Variants in TRAF3 observed in about 807,000 individuals in gnomAD.
The protein encoded by TRAF3 is TNF receptor associated factor 3.
A neutral mutation model predicts 62.3 loss-of-function variants in TRAF3; 13 were observed. The ratio of observed to expected loss-of-function variants is 0.21; its 90% confidence interval spans 0.14 to 0.33. The LOEUF is 0.33. Ranked by LOEUF, TRAF3 falls within the 10% of genes least tolerant of loss-of-function variation. TRAF3 has a pLI of 1.00. For synonymous variants in TRAF3, 269 were observed against 283.4 expected (o/e 0.95, Z 0.51); for missense variants, 440 against 741.8 (o/e 0.59, Z 4.73).
chr14:102,862,537 G>A (rs1178172479), intron 2 of TRAF3, among the ~76,000 whole-genome samples: 1 of 152,202 alleles, frequency 6.6e-6, no homozygotes, highest in East Asian at 1.9e-4. Flanking sequence ...TACTTGAAGA[G>A]TCACTTCTCT....
chr14:102,803,840 T>G (rs1050833327), intron 1 of TRAF3, among the ~76,000 whole-genome samples: 2 of 152,212 alleles, frequency 1.3e-5, no homozygotes, highest in African/African-American at 4.8e-5. Context: ...GACTGCTGCA[T>G]GTACCATAAA....
intron 1 of TRAF3, among the ~76,000 whole-genome samples, chr14:102,807,860 G>A (rs2139497998): frequency 6.6e-6 from 1 of 152,278 alleles, no homozygotes; most frequent in Non-Finnish European, 1.5e-5. Flanking sequence ...AGTAGAGCAT[G>A]GTGAGTTAGT....
At chr14:102,870,915 A>C (rs1416499737) in intron 3 of TRAF3, among the ~76,000 whole-genome samples, 1 of 152,220 alleles carries the variant, frequency 6.6e-6, no homozygotes, top group Non-Finnish European at 1.5e-5. Flanking sequence ...TGTGTGGAAC[A>C]TGCACCGAGC....
intron 6 of TRAF3, among the ~76,000 whole-genome samples, chr14:102,880,875 C>T (rs980751110): frequency 2.6e-5 from 4 of 152,074 alleles, no homozygotes; most frequent in Admixed American, 6.6e-5. Context: ...GTTGGAAGTT[C>T]GAGACCAGCC....
At chr14:102,901,201 G>A (rs1211778632) in intron 10 of TRAF3, among the ~76,000 whole-genome samples, 1 of 152,186 alleles carries the variant, frequency 6.6e-6, no homozygotes, top group Admixed American at 6.5e-5. Flanking sequence ...TCCCCGTTCT[G>A]TGCTTGAGGT....
At chr14:102,846,056 A>G (rs1014237124) in intron 2 of TRAF3, among the ~76,000 whole-genome samples, 4 of 151,210 alleles carry the variant, frequency 2.6e-5, no homozygotes, top group Non-Finnish European at 2.9e-5. Flanking sequence ...AAGTTTGGCA[A>G]TTGTTGTTGA....
intron 6 of TRAF3, among the ~76,000 whole-genome samples, chr14:102,880,130 T>A (rs1035916848): frequency 6.6e-6 from 1 of 152,110 alleles, no homozygotes; most frequent in Non-Finnish European, 1.5e-5. Flanking sequence ...AAAAGAACTT[T>A]TAAGAACTGT....
At chr14:102,843,734 G>A (rs773140137) in intron 2 of TRAF3, among the ~76,000 whole-genome samples, 1 of 152,140 alleles carries the variant, frequency 6.6e-6, no homozygotes, top group Non-Finnish European at 1.5e-5. Flanking sequence ...CTTGAGCTTG[G>A]GAGTTTGAGG....
At chr14:102,865,691 G>T (rs907248718) in intron 2 of TRAF3, among the ~76,000 whole-genome samples, 7 of 152,070 alleles carry the variant, frequency 4.6e-5, no homozygotes, top group South Asian at 2.1e-4. Flanking sequence ...TAGAGACGGG[G>T]TTTCACCATG....
At chr14:102,811,560 T>TG (rs1899149259) in intron 1 of TRAF3, among the ~76,000 whole-genome samples, 1 of 149,372 alleles carries the variant, frequency 6.7e-6, no homozygotes, top group Non-Finnish European at 1.5e-5. Context: ...GTTTTTTTTT[T>TG]TTTTTTTTTT....
rs369040491 is a variant in TRAF3, at chr14:102,875,746, A to C, written c.402+18A>C. ...ATCTGCTGGTGAGTAGCAAAGGGAC[A>C]CTGGAACCTTTTACATGAAGGAATT... On this transcript the variant is annotated intron_variant, in intron 5 of 11. Transcript: ENST00000392745. The C allele has an allele frequency of 1.2e-4, 192 of 1,595,452 alleles. No individual in the cohort carries two copies. Among genetic ancestry groups the C allele is most frequent in the Non-Finnish European group, 1.5e-4 (178 of 1,163,446 alleles).
intron 10 of TRAF3, among the ~76,000 whole-genome samples, chr14:102,901,460 G>T (rs1029113682): frequency 6.6e-6 from 1 of 152,218 alleles, no homozygotes; most frequent in African/African-American, 2.4e-5. Flanking sequence ...GTGTTAGAAG[G>T]TGGAGATGCG....
chr14:102,837,595 G>C (rs1022294915), intron 2 of TRAF3, among the ~76,000 whole-genome samples: 2 of 151,894 alleles, frequency 1.3e-5, no homozygotes, highest in African/African-American at 4.8e-5. Context: ...TGAGTCCTAA[G>C]GGAGTAAACA....
intron 4 of TRAF3, among the ~76,000 whole-genome samples, chr14:102,873,515 G>A (rs942154827): frequency 7.9e-5 from 12 of 152,178 alleles, no homozygotes; most frequent in African/African-American, 2.9e-4. Flanking sequence ...AATGACATAA[G>A]TAGCTGAAGA....
intron 7 of TRAF3, among the ~76,000 whole-genome samples, chr14:102,886,472 A>G (rs1256195194): frequency 6.6e-6 from 1 of 152,104 alleles, no homozygotes; most frequent in East Asian, 1.9e-4. Context: ...GCTACAGTGT[A>G]TGGCCGGGCA....
chr14:102,908,415 T>G lies in TRAF3; in HGVS notation c.*2631T>G, dbSNP rs903758720. On this transcript the variant is annotated 3_prime_UTR_variant, in exon 12 of 12. Coordinates refer to ENST00000392745, the MANE Select transcript of TRAF3 (RefSeq NM_145725.3). The stretch of plus-strand genomic sequence containing the variant: ...CTGAGTGTGTCTTCCTCTCATGTAC[T>G]CAACACAGTGGGCAGCAGCCTGGGA... 6.6e-6 allele frequency: 1 copy of G among 152,434 alleles called. No individual in the cohort carries two copies. The highest frequency in any genetic ancestry group is 1.5e-5 in the Non-Finnish European group (1 of 68,192). 9.4% of individuals were successfully genotyped at this position (152,434 alleles called of 1,614,324 possible).
At position 102,870,390 on chromosome 14, in the gene TRAF3, G is replaced by A. The variant is rs142350527; in HGVS notation, c.189G>A (p.Pro63=). 7,597 of 1,614,160 alleles carry A rather than the reference G, an allele frequency of 4.7e-3. 58 individuals carry two copies. The highest frequency in any genetic ancestry group is 0.02 in the Admixed American group (1,209 of 60,020). ...CEKCHLVLCS[P]KQTECGHRFC... ...AGTGCCACCTGGTGCTGTGCAGCCCGAAGCAGACCGAGTGTGGGCACCGCT... is the reference window on the plus strand; with the variant it reads ...AGTGCCACCTGGTGCTGTGCAGCCCAAAGCAGACCGAGTGTGGGCACCGCT... Residue 63 remains proline, a synonymous_variant, in exon 3 of 12, where the codon CCG becomes CCA. Coordinates refer to ENST00000392745, the MANE Select transcript of TRAF3 (RefSeq NM_145725.3).
At chr14:102,885,148 T>C (rs1889302520) in intron 6 of TRAF3, among the ~76,000 whole-genome samples, 1 of 152,126 alleles carries the variant, frequency 6.6e-6, no homozygotes, top group African/African-American at 2.4e-5. Flanking sequence ...CTTAGAAACA[T>C]GCCGAGGAAA....
chr14:102,871,148 C>G (rs555802934), intron 3 of TRAF3, among the ~76,000 whole-genome samples: 1 of 152,340 alleles, frequency 6.6e-6, no homozygotes, highest in African/African-American at 2.4e-5. Context: ...GTTGCCAGCT[C>G]CTCCTCCCAC....
Sources: allele counts gnomAD v4.1 joint callset (sites outside exome capture counted in the v4.1 genomes callset), GRCh38; gene constraint gnomAD v4.1.1; transcripts MANE v1.5; gene names NCBI Gene and HGNC (gene_info 2026-07-23, HGNC 2026-07-21).